METTL17: variants seen among roughly 807,000 people sequenced by gnomAD.
The protein encoded by METTL17 is ribosome assembly protein METTL17, mitochondrial.
METTL17 carries 49 observed loss-of-function variants against 59.4 expected under a neutral mutation model. The observed-to-expected ratio is 0.82, with a 90% CI of 0.66 to 1.05. The LOEUF (loss-of-function observed/expected upper bound fraction) is 1.05, where lower values mean the gene tolerates loss of function less well. Ranked by LOEUF, METTL17 falls within the 50% of genes least tolerant of loss-of-function variation. The pLI is 0.00. For synonymous variants in METTL17, 208 were observed against 209.2 expected (o/e 0.99, Z 0.05); for missense variants, 555 against 578.4 (o/e 0.96, Z 0.41).
rs1256684491 is a variant in METTL17 at position 20,993,150 on chromosome 14, A to G, written c.561A>G (p.Gln187=). The G allele has an allele frequency of 4.3e-6, 7 of 1,614,048 alleles. No homozygotes were observed. The highest frequency in any genetic ancestry group is 1.1e-5 in the South Asian group (1 of 91,086). Residue 187 remains glutamine, a synonymous_variant, in exon 6 of 14, where the codon CAA becomes CAG. Coordinates refer to ENST00000339374, the MANE Select transcript of METTL17 (RefSeq NM_022734.3). ...IRARNPAFQP[Q]TLMDFGSGTG... ...CTCGAAATCCAGCATTTCAGCCACA[A>G]ACTTTGATGGACTTTGGCTCAGGTA... is the stretch of plus-strand genomic sequence containing the variant.
At chr14:20,990,645 T>A (rs1389166555) in intron 3 of METTL17, 47 bp downstream of exon 3, 1 of 1,607,834 alleles carries the variant, frequency 6.2e-7, no homozygotes, top group Middle Eastern at 1.7e-4. Context: ...GAAATATCGG[T>A]TAGAAATGAA....
chr14:20,990,016 T>C lies in METTL17; in HGVS notation c.14T>C (p.Leu5Pro), dbSNP rs1424963218. 5.6e-6 allele frequency: 9 copies of C among 1,603,652 alleles called. No individual in the cohort carries two copies. In the Admixed American group the frequency reaches 1.0e-4, roughly 18 times the overall value. The change falls in exon 1 of 14, where the codon CTG becomes CCG. Residue 5 changes from leucine to proline, a missense_variant. Transcript: ENST00000339374. MAAA[L>P]KCLLTLGRWC... ...GCCTCCGGAGCCATGGCGGCGGCAC[T>C]GAAGTGTCTACTGACATTAGGAAGA...
chr14:20,990,294 G>C lies in METTL17; in HGVS notation c.140G>C (p.Arg47Thr). 1 of 1,614,268 alleles carries C rather than the reference G, an allele frequency of 6.2e-7. No individual in the cohort carries two copies. The highest frequency in any genetic ancestry group is 8.5e-7 in the Non-Finnish European group (1 of 1,180,046). The change falls in exon 2 of 14, where the codon AGG (arginine) becomes ACG (threonine). Residue 47 changes from arginine to threonine, a missense_variant. By Grantham distance (71) the Arg-to-Thr change is moderately conservative. Coordinates refer to ENST00000339374, the MANE Select transcript of METTL17 (RefSeq NM_022734.3). ...AACAAGTCCGGTTTCCTGCAGAAGA[G>C]GCCTCATCGCCAGCACCCTGGCATC... Reference protein sequence around the residue: ...VDNKSGFLQKRPHRQHPGILK... With the variant: ...VDNKSGFLQKTPHRQHPGILK...
chr14:20,990,490 C>A lies in METTL17; in HGVS notation c.256C>A (p.Gln86Lys). Residue 86 changes from glutamine (Q) to lysine (K), a missense_variant, in exon 3 of 14, where the codon CAG becomes AAG. By Grantham distance (53) the Gln-to-Lys change is moderately conservative. Transcript: ENST00000339374. ...GAGCGCTGGGCCCACTATGGAGAATCAGGTGCAAACACTGACCAGTTATCT... is the reference window on the plus strand; with the variant it reads ...GAGCGCTGGGCCCACTATGGAGAATAAGGTGCAAACACTGACCAGTTATCT... ...LGSAGPTMEN[Q>K]VQTLTSYLWS... 6.2e-7 allele frequency: 1 copy of A among 1,614,230 alleles called. No homozygotes were observed. Among genetic ancestry groups the A allele is most frequent in the African/African-American group, 1.3e-5 (1 of 75,060 alleles).
intron 3 of METTL17, 63 bp from the exon 4 acceptor site, chr14:20,992,061 A>G: frequency 6.8e-7 from 1 of 1,460,118 alleles, no homozygotes; most frequent in South Asian, 1.2e-5. Context: ...CAGTATATTC[A>G]GATATTGGAT....
At position 20,991,988 on chromosome 14, in the gene METTL17, GGTT is replaced by G. The variant is rs1880050294; in HGVS notation, c.365-135_365-133del. On this transcript the variant is annotated intron_variant, in intron 3 of 13. Transcript: ENST00000339374. ...AATTCTTGCCTGAAACTTTTCTCTA[GGTT>G]TGTCGTCTCCCTTGAGCTTTAAGGC... is the stretch of plus-strand genomic sequence containing the variant. 9.7e-6 allele frequency: 7 copies of G among 721,862 alleles called. No homozygotes were observed. In the South Asian group the frequency reaches 1.2e-4, roughly 12 times the overall value. 44.7% of individuals were successfully genotyped at this position (721,862 alleles called of 1,614,324 possible).
chr14:20,990,721 A>C lies in METTL17; in HGVS notation c.364+123A>C, dbSNP rs574450090. On this transcript the variant is annotated intron_variant, in intron 3 of 13. Transcript: ENST00000339374. ...TCTTATTTGACTTTCTAACCAGAGC[A>C]GCAGTTGTTACAATGATGCCTTACT... The C allele has an allele frequency of 3.9e-6, 5 of 1,269,414 alleles. No individual in the cohort carries two copies. The East Asian group carries it at 1.3e-4, about 32-fold the overall frequency. The allele number at this position is 1,269,414 out of a possible 1,614,324, so 78.6% of individuals were successfully genotyped here. A position where few individuals can be genotyped will look rare whatever the true frequency, so the allele number is the denominator to read the frequency against.
intron 7 of METTL17, 64 bp downstream of exon 7, chr14:20,994,127 G>T (rs972144340): frequency 7.7e-6 from 9 of 1,169,560 alleles, no homozygotes; most frequent in African/African-American, 1.5e-5. Flanking sequence ...TAGTAAAAGT[G>T]TTTTACTGGG....
chr14:20,995,571 T>G (rs1880321413), intron 10 of METTL17, among the ~76,000 whole-genome samples: 1 of 152,206 alleles, frequency 6.6e-6, no homozygotes, highest in Non-Finnish European at 1.5e-5. Flanking sequence ...TCTAGGGCAT[T>G]GCTGAGCTAA....
In METTL17 at chr14:20,990,235, C is replaced by G. The variant is rs756082881; in HGVS notation, c.81C>G (p.Leu27=). 1 of 1,614,216 alleles carries G rather than the reference C, an allele frequency of 6.2e-7. No individual in the cohort carries two copies. Among genetic ancestry groups the G allele is most frequent in the Non-Finnish European group, 8.5e-7 (1 of 1,180,048 alleles). The change falls in exon 2 of 14, where the codon CTC becomes CTG. Residue 27 remains leucine, a synonymous_variant. Coordinates refer to ENST00000339374, the MANE Select transcript of METTL17 (RefSeq NM_022734.3). The stretch of plus-strand genomic sequence containing the variant: ...CTACCTTTCTCTGCCTGCAGGCGCT[C>G]GCCGCCTTAGTACCCGGAGTGACCC... ...GLGVAPQARA[L]AALVPGVTQV...
chr14:20,993,250 C>G, intron 6 of METTL17, 59 bp downstream of exon 6: 8 of 1,372,036 alleles, frequency 5.8e-6, no homozygotes, highest in Non-Finnish European at 8.3e-6. Context: ...GCCATACTTA[C>G]ACCACTCCAA....
chr14:20,990,386 G>C lies in METTL17; in HGVS notation c.229+3G>C, dbSNP rs773589040. On this transcript the variant is annotated splice_donor_region_variant and intron_variant, in intron 2 of 13. Transcript: ENST00000339374. ...CGGTGCCCAGTTATTGCTACTTGGT[G>C]AGTAACGGCGGGAAAGCGAGAAGAA... 4.3e-6 allele frequency: 7 copies of C among 1,613,694 alleles called. No individual in the cohort carries two copies. Among genetic ancestry groups the C allele is most frequent in the Non-Finnish European group, 5.9e-6 (7 of 1,179,758 alleles).
At position 20,996,196 on chromosome 14, in the gene METTL17, T is replaced by TA; in HGVS notation, c.997-12dup. The TA allele has an allele frequency of 6.2e-7, 1 of 1,611,416 alleles. No homozygotes were observed. The highest frequency in any genetic ancestry group is 8.5e-7 in the Non-Finnish European group (1 of 1,178,178). The stretch of plus-strand genomic sequence containing the variant: ...GCTCTTTTGTCTTACCTCATTTTTT[T>TA]ATGTGTTCACAGTGTCCCCATGAAC... On this transcript the variant is annotated splice_polypyrimidine_tract_variant and intron_variant, in intron 11 of 13. Coordinates refer to ENST00000339374, the MANE Select transcript of METTL17 (RefSeq NM_022734.3).
At chr14:20,996,422 T>G (rs537456964) in intron 12 of METTL17, 105 bp from the exon 13 acceptor site, 1 of 1,468,902 alleles carries the variant, frequency 6.8e-7, no homozygotes, top group East Asian at 2.3e-5. Flanking sequence ...ATGTATATGA[T>G]TTATACATTG....
At chr14:20,993,246 C>G in intron 6 of METTL17, 55 bp downstream of exon 6, 1 of 1,390,518 alleles carries the variant, frequency 7.2e-7, no homozygotes, top group Non-Finnish European at 1.0e-6. Flanking sequence ...GAAAGCCATA[C>G]TTACACCACT....
At chr14:20,991,594 G>C (rs770090761) in intron 3 of METTL17, among the ~76,000 whole-genome samples, 1 of 151,904 alleles carries the variant, frequency 6.6e-6, no homozygotes, top group Non-Finnish European at 1.5e-5. Flanking sequence ...GCAGTGGTGC[G>C]ATCTCAGCTC....
Position 20,993,998 on chromosome 14 carries a change from T to C in METTL17, c.632T>C (p.Leu211Pro). 5 of 1,613,822 alleles carry C rather than the reference T, an allele frequency of 3.1e-6. No homozygotes were observed. The highest frequency in any genetic ancestry group is 4.2e-6 in the Non-Finnish European group (5 of 1,179,868). The change falls in exon 7 of 14, where the codon CTA (leucine) becomes CCA (proline). Residue 211 changes from leucine (L) to proline (P), a missense_variant. Transcript: ENST00000339374. ...WAAHSIWGQS[L>P]REYMCVDRSA... ...GCTCACAGTATTTGGGGCCAGAGCC[T>C]ACGTGAATATATGTGTGTGGACAGA... is the stretch of plus-strand genomic sequence containing the variant.
chr14:20,994,585 T>C lies in METTL17; in HGVS notation c.740T>C (p.Phe247Ser), dbSNP rs1880248203. Residue 247 changes from phenylalanine (F) to serine (S), a missense_variant, in exon 8 of 14, where the codon TTC becomes TCC. Transcript: ENST00000339374. Reference sequence around the variant, plus strand: ...GAGCCTTATATTCCAGGTGTCTTTTTCAGACAGTTTCTACCTGTATCACCC... The same window carrying C: ...GAGCCTTATATTCCAGGTGTCTTTTCCAGACAGTTTCTACCTGTATCACCC... Reference protein sequence around the residue: ...SGEPYIPGVFFRQFLPVSPKV... With the variant: ...SGEPYIPGVFSRQFLPVSPKV... The C allele has an allele frequency of 1.9e-6, 3 of 1,614,248 alleles. No individual in the cohort carries two copies. The highest frequency in any genetic ancestry group is 1.6e-4 in the Middle Eastern group (1 of 6,062).
chr14:20,996,834 G>A lies in METTL17; in HGVS notation c.1315G>A (p.Val439Met), dbSNP rs1370021434. 2 of 1,613,954 alleles carry A rather than the reference G, an allele frequency of 1.2e-6. No homozygotes were observed. Among genetic ancestry groups the A allele is most frequent in the Non-Finnish European group, 1.7e-6 (2 of 1,179,992 alleles). Residue 439 changes from valine (V) to methionine (M), a missense_variant, in exon 14 of 14, where the codon GTG becomes ATG. Coordinates refer to ENST00000339374, the MANE Select transcript of METTL17 (RefSeq NM_022734.3). ...CAGCTCCTGGGGAGATCTTTTACCTGTGCTTACTCCGTCTGCGTTTCCTCC... is the reference window on the plus strand; with the variant it reads ...CAGCTCCTGGGGAGATCTTTTACCTATGCTTACTCCGTCTGCGTTTCCTCC... ...RVSSWGDLLPVLTPSAFPPST... is the reference protein window; with the variant it reads ...RVSSWGDLLPMLTPSAFPPST...
Sources: allele counts gnomAD v4.1 joint callset (sites outside exome capture counted in the v4.1 genomes callset), GRCh38; gene constraint gnomAD v4.1.1; transcripts MANE v1.5; gene names NCBI Gene and HGNC (gene_info 2026-07-23, HGNC 2026-07-21).